The following POTEF variants were observed in gnomAD, a reference collection of about 807,000 sequenced individuals.
The protein encoded by POTEF is POTE ankyrin domain family member F, also known as ANKRD26-like family C member 1B.
In POTEF, 20 loss-of-function variants were observed where a neutral mutation model predicts 83.2. The observed-to-expected ratio is 0.24, with a 90% CI of 0.17 to 0.35. The LOEUF (loss-of-function observed/expected upper bound fraction) is 0.35. POTEF is among the 10% of genes least tolerant of loss of function. The probability of loss-of-function intolerance (pLI) is 1.00; values close to 1 mark genes in which losing one functional copy is unlikely to be tolerated. For synonymous variants in POTEF, 196 were observed against 446.4 expected (o/e 0.44, Z 7.07); for missense variants, 550 against 1,203.2 (o/e 0.46, Z 8.03).
chr2:130,117,165 GATTA>G lies in POTEF; in HGVS notation c.522-1841_522-1838del, dbSNP rs547797082. Among the ~76,000 whole-genome samples the G allele has an allele frequency of 2.2e-3, 335 of 151,896 alleles. 3 individuals carry two copies. The Middle Eastern group carries it at 0.034, about 15-fold the overall frequency. On this transcript the variant is annotated intron_variant, in intron 3 of 16. Transcript: ENST00000409914. Reference sequence around the variant, plus strand: ...CATAAACATATAACTCAACTAAAATGATTAATTCATACTTTTTACATGTTAATCT... The same window carrying G: ...CATAAACATATAACTCAACTAAAATGATTCATACTTTTTACATGTTAATCT...
chr2:130,128,865 G>A, intron 1 of POTEF, among the ~76,000 whole-genome samples: 1 of 108,198 alleles, frequency 9.2e-6, no homozygotes, highest in Non-Finnish European at 1.8e-5. Flanking sequence ...CACACAACCT[G>A]CCTCCCCCCC....
chr2:130,122,945 A>G (rs1446405421), intron 2 of POTEF, among the ~76,000 whole-genome samples: 1 of 147,312 alleles, frequency 6.8e-6, no homozygotes, highest in Non-Finnish European at 1.5e-5. Context: ...AACACAGACA[A>G]TCTCACCCCT....
At chr2:130,122,285 T>G (rs891644237) in intron 2 of POTEF, among the ~76,000 whole-genome samples, 1 of 150,854 alleles carries the variant, frequency 6.6e-6, no homozygotes, top group Non-Finnish European at 1.5e-5. Context: ...GTGTAAGGCA[T>G]TTGTTTTAAT....
intron 3 of POTEF, 55 bp from the exon 4 acceptor site, chr2:130,115,383 G>A (rs200901373): frequency 5.3e-6 from 7 of 1,315,564 alleles, no homozygotes; most frequent in South Asian, 2.7e-5. Flanking sequence ...TACAGCCATA[G>A]CAATGATTCA....
chr2:130,127,059 C>T lies in POTEF; in HGVS notation c.-94+650G>A, dbSNP rs1458257016. Reference sequence around the variant, plus strand: ...AAAAATGGCCGGGAGTGGTGGCTCACGCCTATAATCCTAGCACTTTGGGAG... The same window carrying T: ...AAAAATGGCCGGGAGTGGTGGCTCATGCCTATAATCCTAGCACTTTGGGAG... On this transcript the variant is annotated intron_variant, in intron 2 of 16. Transcript: ENST00000409914. Among the ~76,000 whole-genome samples the T allele has an allele frequency of 6.6e-5, 10 of 151,938 alleles. 1 individual carries two copies. Among genetic ancestry groups the T allele is most frequent in the East Asian group, 1.9e-4 (1 of 5,192 alleles).
intron 12 of POTEF, among the ~76,000 whole-genome samples, chr2:130,092,764 T>TA: frequency 8.6e-6 from 1 of 115,898 alleles, no homozygotes; most frequent in East Asian, 2.4e-4. Context: ...ATGAAGTCAG[T>TA]AACAGTGAGA....
intron 3 of POTEF, among the ~76,000 whole-genome samples, chr2:130,117,016 C>T (rs577027258): frequency 7.4e-5 from 11 of 147,766 alleles, no homozygotes; most frequent in Admixed American, 6.8e-4. Flanking sequence ...TGTCTGATGA[C>T]TAAATGGATT....
At chr2:130,105,954 T>C (rs1684514927) in intron 8 of POTEF, among the ~76,000 whole-genome samples, 1 of 150,788 alleles carries the variant, frequency 6.6e-6, no homozygotes, top group Non-Finnish European at 1.5e-5. Flanking sequence ...CAGTGCCTGG[T>C]TTGGGAATGA....
chr2:130,111,531 A>G (rs1684710300), intron 6 of POTEF, among the ~76,000 whole-genome samples: 1 of 151,782 alleles, frequency 6.6e-6, no homozygotes, highest in African/African-American at 2.4e-5. Flanking sequence ...TAACACTAAT[A>G]TTCTTCAAAG....
intron 15 of POTEF, among the ~76,000 whole-genome samples, chr2:130,078,267 A>C (rs1683870907): frequency 1.1e-5 from 1 of 90,038 alleles, no homozygotes; most frequent in African/African-American, 4.2e-5. Context: ...GTTACAAAAT[A>C]AATGAATACC....
chr2:130,077,359 A>G (rs1277098764), intron 15 of POTEF, among the ~76,000 whole-genome samples, 158 bp from the exon 16 acceptor site: 7 of 152,362 alleles, frequency 4.6e-5, no homozygotes, highest in Non-Finnish European at 7.3e-5. Context: ...GGTGTCCCCA[A>G]CCATGCTGGC....
At chr2:130,117,886 C>A (rs1422040255) in intron 3 of POTEF, among the ~76,000 whole-genome samples, 2 of 151,798 alleles carry the variant, frequency 1.3e-5, no homozygotes, top group South Asian at 4.1e-4. Context: ...GTAAGTACCA[C>A]TGTTCTTCAT....
At chr2:130,107,814 G>A in intron 8 of POTEF, 195 bp downstream of exon 8, 1 of 581,570 alleles carries the variant, frequency 1.7e-6, no homozygotes, top group South Asian at 2.2e-5. Flanking sequence ...ATGGTAAGTT[G>A]TATAATTATT....
chr2:130,121,140 C>A (rs993224099), intron 2 of POTEF, among the ~76,000 whole-genome samples: 7 of 151,568 alleles, frequency 4.6e-5, no homozygotes, highest in Admixed American at 2.0e-4. Context: ...CGTGCGCGTG[C>A]GGCGTGCTTA....
At chr2:130,121,187 G>GC (rs1684995734) in intron 2 of POTEF, among the ~76,000 whole-genome samples, 1 of 150,946 alleles carries the variant, frequency 6.6e-6, no homozygotes, top group Non-Finnish European at 1.5e-5. Context: ...ACAGACACTG[G>GC]CCGATGCATG....
chr2:130,075,595 T>C, intron 16 of POTEF, 23 bp from the exon 17 acceptor site: 2 of 1,601,002 alleles, frequency 1.2e-6, no homozygotes, highest in Non-Finnish European at 1.7e-6. Flanking sequence ...AGAGAACTTT[T>C]AGTTAGCACT....
intron 3 of POTEF, among the ~76,000 whole-genome samples, chr2:130,118,513 G>A (rs1684903840): frequency 6.6e-6 from 1 of 151,552 alleles, no homozygotes; most frequent in Non-Finnish European, 1.5e-5. Flanking sequence ...TGGCCAAGAT[G>A]GTGAAACCCC....
chr2:130,120,170 T>G lies in POTEF; in HGVS notation c.346A>C (p.Lys116Gln). The change falls in exon 3 of 17, where the codon AAG (lysine) becomes CAG (glutamine). Residue 116 changes from lysine (K) to glutamine (Q), a missense_variant. Transcript: ENST00000409914. ...TCGTAGTCTCCCCAAGCGCCCACCT[T>G]GCTCTTGCTGCTCCCCCTGCAGCAG... The part of the protein sequence containing the change: ...FPCCRGSSKS[K>Q]VGAWGDYDDS... The G allele has an allele frequency of 6.2e-7, 1 of 1,603,882 alleles. No individual in the cohort carries two copies. The highest frequency in any genetic ancestry group is 1.1e-5 in the South Asian group (1 of 90,570).
At chr2:130,125,358 G>A (rs537389125) in intron 2 of POTEF, among the ~76,000 whole-genome samples, 1 of 149,070 alleles carries the variant, frequency 6.7e-6, no homozygotes, top group South Asian at 2.1e-4. Context: ...CTATCTAGTG[G>A]TATTTATACA....
Sources: allele counts gnomAD v4.1 joint callset (sites outside exome capture counted in the v4.1 genomes callset), GRCh38; gene constraint gnomAD v4.1.1; transcripts MANE v1.5; gene names NCBI Gene and HGNC (gene_info 2026-07-23, HGNC 2026-07-21).